Variants in NFASC observed in about 807,000 individuals in gnomAD.
NFASC encodes neurofascin, also known as neurofascin homolog.
In NFASC, 43 loss-of-function variants were observed where a neutral mutation model predicts 147.5. The ratio of observed to expected loss-of-function variants is 0.29; its 90% CI spans 0.23 to 0.38. The LOEUF (loss-of-function observed/expected upper bound fraction) is 0.38, where lower values mean the gene tolerates loss of function less well. Ranked by LOEUF, NFASC falls within the 10% of genes least tolerant of loss-of-function variation. The probability of loss-of-function intolerance (pLI) is 1.00; values close to 1 mark genes in which losing one functional copy is unlikely to be tolerated. For synonymous variants in NFASC, 622 were observed against 665.5 expected (o/e 0.93, Z 1.01); for missense variants, 1,320 against 1,689.0 (o/e 0.78, Z 3.83).
intron 1 of NFASC, among the ~76,000 whole-genome samples, chr1:204,902,062 G>A (rs1416203063): frequency 6.6e-6 from 1 of 152,232 alleles, no homozygotes; most frequent in African/African-American, 2.4e-5. Context: ...AGAAGGCCGA[G>A]GCGGGAGGAT....
intron 1 of NFASC, among the ~76,000 whole-genome samples, chr1:204,897,137 G>C (rs1245207203): frequency 4.0e-5 from 6 of 151,358 alleles, no homozygotes; most frequent in African/African-American, 1.2e-4. Flanking sequence ...TGTGTACATT[G>C]AAGTTTGGGA....
chr1:204,835,271 A>T (rs1194825560), intron 1 of NFASC, among the ~76,000 whole-genome samples: 1 of 122,606 alleles, frequency 8.2e-6, no homozygotes, highest in Non-Finnish European at 1.6e-5. Flanking sequence ...CCCAGGCTGG[A>T]GTGCAGTGGC....
At chr1:204,944,144 G>A (rs533228645) in intron 2 of NFASC, 82 bp from the exon 3 acceptor site, 93 of 1,266,608 alleles carry the variant, frequency 7.3e-5, no homozygotes, top group Non-Finnish European at 8.8e-6. Context: ...GGGGCTCTTC[G>A]GTCCTCCAAA....
intron 2 of NFASC, among the ~76,000 whole-genome samples, chr1:204,930,563 A>G (rs2092278130): frequency 6.6e-6 from 1 of 152,186 alleles, no homozygotes. Context: ...CTCTGAGCTT[A>G]ACATCAGAGT....
intron 24 of NFASC, 48 bp from the exon 25 acceptor site, chr1:204,997,122 G>A (rs374185095): frequency 1.3e-6 from 2 of 1,575,554 alleles, no homozygotes; most frequent in Non-Finnish European, 1.7e-6. Flanking sequence ...GTCCAGGCTG[G>A]GCACAGCCAA....
intron 1 of NFASC, among the ~76,000 whole-genome samples, chr1:204,894,966 G>A (rs1176072746): frequency 6.6e-6 from 1 of 152,136 alleles, no homozygotes; most frequent in Non-Finnish European, 1.5e-5. Context: ...CTCCAAAAGA[G>A]ACTTGAATGA....
chr1:204,986,194 G>C lies in NFASC; in HGVS notation c.2471-1224G>C, dbSNP rs1260132735. On this transcript the variant is annotated intron_variant, in intron 21 of 29. Transcript: ENST00000339876. This position sits in a 1 kb window ranked among gnomAD's most constrained non-coding sequence, Gnocchi z 4.2. ...TTGGGCCTGGAGAAACTCCAGCGTGGCTCAGCATGGATGGCACAAGGTGAC... is the reference window on the plus strand; with the variant it reads ...TTGGGCCTGGAGAAACTCCAGCGTGCCTCAGCATGGATGGCACAAGGTGAC... 1 of 1,058,396 alleles carries C rather than the reference G, an allele frequency of 9.4e-7. No individual in the cohort carries two copies. Among genetic ancestry groups the C allele is most frequent in the African/African-American group, 1.6e-5 (1 of 64,288 alleles). 65.6% of individuals were successfully genotyped at this position (1,058,396 alleles called of 1,614,324 possible). A position where few individuals can be genotyped will look rare whatever the true frequency, so the allele number is the denominator to read the frequency against.
rs913712716 is a variant in NFASC at position 205,016,785 on chromosome 1, G to A, written c.*246G>A. ...GGAGCCGTGGCTGAGCTCAGCTGGA[G>A]GGAGCCTGGCCCCTTGCCCGGTCTC... is the stretch of plus-strand genomic sequence containing the variant. On this transcript the variant is annotated 3_prime_UTR_variant, in exon 30 of 30. Coordinates refer to ENST00000339876, the MANE Select transcript of NFASC (RefSeq NM_001005388.3). This position sits in a 1 kb window ranked among gnomAD's most constrained non-coding sequence, Gnocchi z 5.1. 5.2e-6 allele frequency: 3 copies of A among 580,430 alleles called. No homozygotes were observed. Among genetic ancestry groups the A allele is most frequent in the Non-Finnish European group, 9.5e-6 (3 of 314,656 alleles). The allele number at this position is 580,430 out of a possible 1,614,324, so 36.0% of individuals were successfully genotyped here.
intron 26 of NFASC, among the ~76,000 whole-genome samples, chr1:205,002,136 A>G (rs1221213696): frequency 6.6e-6 from 1 of 152,208 alleles, no homozygotes; most frequent in East Asian, 1.9e-4. Context: ...AATTCACCAC[A>G]TGGTGAGAAA....
chr1:204,972,190 G>A (rs565648626), intron 11 of NFASC, among the ~76,000 whole-genome samples: 10 of 152,248 alleles, frequency 6.6e-5, no homozygotes, highest in Admixed American at 1.3e-4. Context: ...CCTGCAGGGC[G>A]ACTCCTGCAT....
At chr1:204,978,070 C>T (rs553332047) in intron 17 of NFASC, among the ~76,000 whole-genome samples, 1 of 152,224 alleles carries the variant, frequency 6.6e-6, no homozygotes, top group Admixed American at 6.5e-5. Context: ...TTCACATCAC[C>T]TGGAAACTCA....
Position 204,864,416 on chromosome 1 carries a change from G to A in NFASC, c.-200+35634G>A, listed in dbSNP as rs1052370047. Among the ~76,000 whole-genome samples the A allele has an allele frequency of 4.6e-5, 7 of 152,114 alleles. 1 individual carries two copies. The highest frequency in any genetic ancestry group is 2.0e-4 in the Admixed American group (3 of 15,272). On this transcript the variant is annotated intron_variant, in intron 1 of 29. Transcript: ENST00000339876. ...TGCAGGGTCGTATATTAACTCTTAT[G>A]TTTAACTTTTTGAGAAACTACCAGA... is the stretch of plus-strand genomic sequence containing the variant.
chr1:204,988,649 A>G lies in NFASC; in HGVS notation c.2610A>G (p.Val870=). 1 of 1,614,232 alleles carries G rather than the reference A, an allele frequency of 6.2e-7. No homozygotes were observed. Residue 870 remains valine, a synonymous_variant, in exon 23 of 30, where the codon GTA becomes GTG. Transcript: ENST00000339876. Reference sequence around the variant, plus strand: ...TCTCCCCAGTTAACGGGACCAAAGTAGGAAAGCAGATAGTGGAAAACTTCT... The same window carrying G: ...TCTCCCCAGTTAACGGGACCAAAGTGGGAAAGCAGATAGTGGAAAACTTCT... ...LKYVAFNGTK[V]GKQIVENFSP...
Position 204,997,262 on chromosome 1 carries a change from A to C in NFASC, c.2875A>C (p.Thr959Pro). The change falls in exon 25 of 30, where the codon ACA (threonine) becomes CCA (proline). Residue 959 changes from threonine to proline, a missense_variant. Thr to Pro is a conservative substitution (Grantham distance 38, BLOSUM62 -1). Transcript: ENST00000339876. ...TAIAATTEAT[T>P]VPIIPTVAPT... ...CATTGCTGCCACCACCGAAGCCACA[A>C]CAGTCCCCATCATCCCAACTGTCGC... The C allele has an allele frequency of 6.2e-7, 1 of 1,613,694 alleles. No homozygotes were observed. Among genetic ancestry groups the C allele is most frequent in the East Asian group, 2.2e-5 (1 of 44,854 alleles).
chr1:204,939,007 GTTCTA>G (rs1392163454), intron 2 of NFASC, among the ~76,000 whole-genome samples: 1 of 143,572 alleles, frequency 7.0e-6, no homozygotes, highest in Non-Finnish European at 1.5e-5. Flanking sequence ...CCTTCAGGTA[GTTCTA>G]TTCTCTTTTC....
Position 205,016,219 on chromosome 1 carries a change from T to A in NFASC, c.3492-89T>A, listed in dbSNP as rs1438637864. On this transcript the variant is annotated intron_variant, in intron 29 of 29. Coordinates refer to ENST00000339876, the MANE Select transcript of NFASC (RefSeq NM_001005388.3). This position sits in a 1 kb window ranked among gnomAD's most constrained non-coding sequence, Gnocchi z 5.1. The stretch of plus-strand genomic sequence containing the variant: ...GGACTGGGCGGTCTCCTGGATCCCA[T>A]CCTCTCTGAGCTGTGTAGGGCATGT... 8 of 893,462 alleles carry A rather than the reference T, an allele frequency of 9.0e-6. No individual in the cohort carries two copies. The highest frequency in any genetic ancestry group is 7.2e-5 in the Admixed American group (4 of 55,936). 55.3% of individuals were successfully genotyped at this position (893,462 alleles called of 1,614,324 possible).
intron 1 of NFASC, among the ~76,000 whole-genome samples, chr1:204,837,440 G>A (rs1674092699): frequency 2.0e-5 from 3 of 152,198 alleles, no homozygotes; most frequent in Admixed American, 2.0e-4. Flanking sequence ...CCAGACTGTA[G>A]CAAACCTTGG....
intron 13 of NFASC, 113 bp from the exon 14 acceptor site, chr1:204,974,544 C>A (rs1170317414): frequency 7.8e-7 from 1 of 1,288,496 alleles, no homozygotes; most frequent in Admixed American, 1.7e-5. Flanking sequence ...GCTCCAGTCT[C>A]CTAGCATGGG....
At chr1:204,858,776 T>G (rs1367393146) in intron 1 of NFASC, among the ~76,000 whole-genome samples, 1 of 152,032 alleles carries the variant, frequency 6.6e-6, no homozygotes, top group East Asian at 1.9e-4. Context: ...GCTCTGGGGC[T>G]CCCAACAGCC....
Sources: gnomAD v4.1 joint callset for allele counts (sites outside exome capture counted in the v4.1 genomes callset) on GRCh38, gnomAD v4.1.1 for gene constraint, Gnocchi (gnomAD v3.1) non-coding constraint, MANE v1.5 for transcripts, NCBI Gene and HGNC (gene_info 2026-07-23, HGNC 2026-07-21) for gene names.